OR8B3: variants seen among roughly 807,000 people sequenced by gnomAD.
OR8B3 encodes the protein olfactory receptor family 8 subfamily B member 3, also known as olfactory receptor 8B3.
For synonymous variants in OR8B3, 102 were observed against 135.4 expected (o/e 0.75, Z 1.71); for missense variants, 278 against 377.6 (o/e 0.74, Z 2.19).
At chr11:124,402,716 C>T (rs897900621), upstream of OR8B3, among the ~76,000 whole-genome samples, 13 of 151,996 alleles carry the variant, frequency 8.6e-5, no homozygotes, top group East Asian at 1.5e-3. Context: ...TGGATGTAGG[C>T]GAGAAAATGA....
the OR8B3 span, chr11:124,405,042 G>A: frequency 6.6e-6 from 1 of 152,134 alleles, no homozygotes; most frequent in Non-Finnish European, 1.5e-5. Context: ...TGGGGCAGCG[G>A]GAGTTTGTTA....
At chr11:124,406,862 A>C in the OR8B3 span, among the ~76,000 whole-genome samples, 10 of 152,004 alleles carry the variant, frequency 6.6e-5, no homozygotes, top group African/African-American at 2.4e-4. Flanking sequence ...GGCTTATAAT[A>C]ATTATAAATT....
At chr11:124,409,632 A>T in the OR8B3 span, among the ~76,000 whole-genome samples, 2 of 152,226 alleles carry the variant, frequency 1.3e-5, no homozygotes, top group Non-Finnish European at 2.9e-5. Flanking sequence ...AACCTTCCAA[A>T]ATAATCAGAT....
chr11:124,400,017 C>T (rs562641421), upstream of OR8B3, among the ~76,000 whole-genome samples: 39 of 152,080 alleles, frequency 2.6e-4, no homozygotes, highest in African/African-American at 9.4e-4. Context: ...CATGCCACCA[C>T]CATTGGATAA....
rs568391252 is a variant in OR8B3, at chr11:124,396,050, T to G, written c.*360A>C. On this transcript the variant is annotated 3_prime_UTR_variant, in exon 2 of 2. Coordinates refer to ENST00000641139, the MANE Select transcript of OR8B3 (RefSeq NM_001005467.2). ...AAAAATAAGAATGCTTCTATCATAT[T>G]TGGCACTTCTGAGTTTAGGTGAGAA... 39 of 174,722 alleles carry G rather than the reference T, an allele frequency of 2.2e-4. No individual in the cohort carries two copies. The highest frequency in any genetic ancestry group is 9.0e-4 in the African/African-American group (38 of 42,182). 10.8% of individuals were successfully genotyped at this position (174,722 alleles called of 1,614,324 possible).
the OR8B3 span, among the ~76,000 whole-genome samples, chr11:124,405,749 G>A: frequency 1.3e-5 from 2 of 152,200 alleles, no homozygotes; most frequent in South Asian, 2.1e-4. Flanking sequence ...CTACAGCTCT[G>A]GAGAAAGTGA....
upstream of OR8B3, among the ~76,000 whole-genome samples, chr11:124,399,801 G>C (rs1030683114): frequency 2.6e-5 from 4 of 151,890 alleles, no homozygotes; most frequent in African/African-American, 9.7e-5. Context: ...TAACATGCTC[G>C]TATGTATGTG....
rs1430152709 is a variant in OR8B3 at position 124,397,372 on chromosome 11, G to A, written c.-17-4C>T. ...AGCATTTTTTGTCTTCAAAAATCTG[G>A]GAAGACAAAAGAAAATTCTATTAGG... On this transcript the variant is annotated splice_polypyrimidine_tract_variant and splice_region_variant and intron_variant, in intron 1 of 1. Coordinates refer to ENST00000641139, the MANE Select transcript of OR8B3 (RefSeq NM_001005467.2). 1 of 1,114,870 alleles carries A rather than the reference G, an allele frequency of 9.0e-7. No homozygotes were observed. 69.1% of individuals were successfully genotyped at this position (1,114,870 alleles called of 1,614,324 possible). A position where few individuals can be genotyped will look rare whatever the true frequency, so the allele number is the denominator to read the frequency against.
rs890911632 is a variant in OR8B3 at position 124,395,724 on chromosome 11, A to T, written c.*686T>A. 8.5e-5 allele frequency: 13 copies of T among 152,192 alleles called. No homozygotes were observed. The highest frequency in any genetic ancestry group is 3.1e-4 in the African/African-American group (13 of 41,452). 9.4% of individuals were successfully genotyped at this position (152,192 alleles called of 1,614,324 possible). ...TATTGGAATCCTGAGGTCCACATGT[A>T]TTATTTCTCTAATCATCCTCTGTAA... is the stretch of plus-strand genomic sequence containing the variant. On this transcript the variant is annotated 3_prime_UTR_variant, in exon 2 of 2. Transcript: ENST00000641139.
chr11:124,399,600 T>C (rs1006926708), upstream of OR8B3, among the ~76,000 whole-genome samples: 1 of 152,134 alleles, frequency 6.6e-6, no homozygotes, highest in Non-Finnish European at 1.5e-5. Flanking sequence ...AAGGCATCTA[T>C]TTTTTTACCT....
chr11:124,399,607 A>G (rs1018271117), upstream of OR8B3, among the ~76,000 whole-genome samples: 3 of 152,086 alleles, frequency 2.0e-5, no homozygotes, highest in Non-Finnish European at 2.9e-5. Flanking sequence ...CTATTTTTTT[A>G]CCTTTTTATT....
upstream of OR8B3, among the ~76,000 whole-genome samples, chr11:124,401,681 T>C (rs2134212555): frequency 6.6e-6 from 1 of 152,320 alleles, no homozygotes; most frequent in South Asian, 2.1e-4. Context: ...TGCAACCAGC[T>C]TAGATGCCAC....
At chr11:124,403,894 C>G (rs572756089), upstream of OR8B3, among the ~76,000 whole-genome samples, 2 of 152,200 alleles carry the variant, frequency 1.3e-5, no homozygotes, top group African/African-American at 4.8e-5. Context: ...GCAGATCACT[C>G]GTGGTTAGGA....
upstream of OR8B3, among the ~76,000 whole-genome samples, chr11:124,403,572 G>A (rs1180469701): frequency 6.6e-6 from 1 of 151,882 alleles, no homozygotes; most frequent in Non-Finnish European, 1.5e-5. Flanking sequence ...GGGCAGAGAC[G>A]ATCCTCACTT....
In OR8B3 at chr11:124,396,988, G is replaced by A. The variant is rs777639957; in HGVS notation, c.364C>T (p.Arg122Cys). 1.1e-5 allele frequency: 17 copies of A among 1,613,594 alleles called. No individual in the cohort carries two copies. Among genetic ancestry groups the A allele is most frequent in the South Asian group, 4.4e-5 (4 of 91,058 alleles). ...AATGGATTACAGATGGCCACATAGC[G>A]ATCATATGCCATTGAGGTCAACATG... The part of the protein sequence containing the change: ...CYMLTSMAYD[R>C]YVAICNPLLY... Residue 122 changes from arginine to cysteine, a missense_variant, in exon 2 of 2, where the codon CGC becomes TGC. Arg to Cys is a radical substitution (Grantham distance 180, BLOSUM62 -3). Coordinates refer to ENST00000641139, the MANE Select transcript of OR8B3 (RefSeq NM_001005467.2).
At chr11:124,403,521 C>G (rs902408157), upstream of OR8B3, among the ~76,000 whole-genome samples, 6 of 151,090 alleles carry the variant, frequency 4.0e-5, no homozygotes, top group Non-Finnish European at 8.9e-5. Flanking sequence ...GACGGGGCGG[C>G]GGGGCAGAGG....
Position 124,396,687 on chromosome 11 carries a change from A to T in OR8B3, c.665T>A (p.Val222Asp), listed in dbSNP as rs570029152. The change falls in exon 2 of 2, where the codon GTC becomes GAC. Residue 222 changes from valine (V) to aspartate (D), a missense_variant. By Grantham distance (152) the Val-to-Asp change is radical. Coordinates refer to ENST00000641139, the MANE Select transcript of OR8B3 (RefSeq NM_001005467.2). ...GGATTTGATATGAAGAATGCTAGTG[A>T]CAATGAAAACATAAGAAATGAGGAT... ...CTILISYVFI[V>D]TSILHIKSTQ... 1 of 1,613,866 alleles carries T rather than the reference A, an allele frequency of 6.2e-7. No homozygotes were observed. The highest frequency in any genetic ancestry group is 1.7e-5 in the Admixed American group (1 of 59,982).
At chr11:124,398,050 G>T (rs924701862) in intron 1 of OR8B3, among the ~76,000 whole-genome samples, 1 of 152,008 alleles carries the variant, frequency 6.6e-6, no homozygotes, top group African/African-American at 2.4e-5. Flanking sequence ...CAGTTTCCTT[G>T]TGATGACCAC....
At position 124,396,972 on chromosome 11, in the gene OR8B3, C is replaced by A. The variant is rs751100454; in HGVS notation, c.380G>T (p.Cys127Phe). 6.2e-7 allele frequency: 1 copy of A among 1,613,466 alleles called. No individual in the cohort carries two copies. The highest frequency in any genetic ancestry group is 8.5e-7 in the Non-Finnish European group (1 of 1,179,706). ...SMAYDRYVAI[C>F]NPLLYKVTMS... is the part of the protein sequence containing the mutation. Reference sequence around the variant, plus strand: ...GGTGACCTTATACAGCAATGGATTACAGATGGCCACATAGCGATCATATGC... The same window carrying A: ...GGTGACCTTATACAGCAATGGATTAAAGATGGCCACATAGCGATCATATGC... The change falls in exon 2 of 2, where the codon TGT becomes TTT. Residue 127 changes from cysteine to phenylalanine, a missense_variant. Physicochemically the swap from Cys to Phe is radical, Grantham distance 205. Transcript: ENST00000641139.
Sources: gnomAD v4.1 joint callset for allele counts (sites outside exome capture counted in the v4.1 genomes callset) on GRCh38, gnomAD v4.1.1 for gene constraint, MANE v1.5 for transcripts, NCBI Gene and HGNC (gene_info 2026-07-23, HGNC 2026-07-21) for gene names.